Variants in RAB6A observed in about 807,000 individuals in gnomAD.
RAB6A encodes RAB6A, member RAS oncogene family, also known as ras-related protein Rab-6A.
In RAB6A, 8 loss-of-function variants were observed where a neutral mutation model predicts 32.3. The ratio of observed to expected loss-of-function variants is 0.25; its 90% CI spans 0.15 to 0.45. The LOEUF is 0.45. Among genes scored for constraint, RAB6A ranks in the 20% least tolerant of loss-of-function variants. RAB6A has a pLI of 1.00. For synonymous variants in RAB6A, 73 were observed against 82.1 expected, an observed-to-expected ratio of 0.89 and a Z score of 0.60; for missense variants, 104 against 249.4, an observed-to-expected ratio of 0.42 and a Z score of 3.93.
chr11:73,718,198 C>T (rs1462664564), intron 4 of RAB6A, among the ~76,000 whole-genome samples: 1 of 152,146 alleles, frequency 6.6e-6, no homozygotes, highest in Non-Finnish European at 1.5e-5. Flanking sequence ...CAGAGAAAAG[C>T]TGGCTAGCAG....
intron 2 of RAB6A, chr11:73,730,450 T>G (rs1299634489): frequency 9.0e-6 from 2 of 221,444 alleles, no homozygotes; most frequent in African/African-American, 2.3e-5. Context: ...TAATTTCAAA[T>G]GTAGATAAAA....
At chr11:73,730,499 G>C (rs1267814150) in intron 2 of RAB6A, 2 of 323,780 alleles carry the variant, frequency 6.2e-6, no homozygotes, top group African/African-American at 4.3e-5. Context: ...AATCTATAGA[G>C]AATATCCACC....
At chr11:73,745,181 A>T (rs186891972) in intron 1 of RAB6A, among the ~76,000 whole-genome samples, 217 of 152,256 alleles carry the variant, frequency 1.4e-3, no homozygotes, top group Admixed American at 2.7e-3. Context: ...TTGTTAATGC[A>T]TTTATTTACT....
At chr11:73,718,983 G>T in intron 3 of RAB6A, 1 of 1,186,226 alleles carries the variant, frequency 8.4e-7, no homozygotes, top group Non-Finnish European at 1.2e-6. Context: ...GGGAGAGGGT[G>T]GGAAGGAAGT....
chr11:73,699,499 G>T (rs991774931), intron 6 of RAB6A, among the ~76,000 whole-genome samples: 17 of 151,482 alleles, frequency 1.1e-4, no homozygotes, highest in Non-Finnish European at 1.5e-5. Flanking sequence ...TGCCAAGGCT[G>T]GTCTCAAACA....
intron 2 of RAB6A, among the ~76,000 whole-genome samples, chr11:73,723,288 G>GGA (rs1354382954): frequency 6.6e-6 from 1 of 150,882 alleles, no homozygotes; most frequent in Admixed American, 6.6e-5. Flanking sequence ...TACTGGGGGG[G>GGA]AAAAAAAGAA....
chr11:73,755,440 C>T (rs1051989806), intron 1 of RAB6A, among the ~76,000 whole-genome samples: 1 of 151,668 alleles, frequency 6.6e-6, no homozygotes. Flanking sequence ...ACTACAGGCA[C>T]GCACCACCAT....
chr11:73,710,553 A>G (rs190512106), intron 5 of RAB6A, among the ~76,000 whole-genome samples: 1 of 151,936 alleles, frequency 6.6e-6, no homozygotes, highest in Non-Finnish European at 1.5e-5. Flanking sequence ...CCTGGCCAAC[A>G]TGATAAAACC....
intron 5 of RAB6A, among the ~76,000 whole-genome samples, chr11:73,715,976 T>TA (rs1259010341): frequency 7.2e-5 from 11 of 152,308 alleles, no homozygotes; most frequent in Non-Finnish European, 1.2e-4. Flanking sequence ...TTATGAGATC[T>TA]AAAAAAAGCA....
At chr11:73,706,053 G>A (rs987368537) in intron 6 of RAB6A, among the ~76,000 whole-genome samples, 1 of 152,112 alleles carries the variant, frequency 6.6e-6, no homozygotes, top group African/African-American at 2.4e-5. Context: ...GAAACAATAT[G>A]TTAATGAGGA....
chr11:73,725,881 G>A (rs1398297500), intron 2 of RAB6A, among the ~76,000 whole-genome samples: 22 of 152,218 alleles, frequency 1.4e-4, no homozygotes, highest in African/African-American at 4.3e-4. Flanking sequence ...GGCCAGGCGC[G>A]GTGGCTCATG....
chr11:73,744,371 TG>T (rs1483975013), intron 1 of RAB6A, among the ~76,000 whole-genome samples: 1 of 147,678 alleles, frequency 6.8e-6, no homozygotes, highest in Non-Finnish European at 1.5e-5. Flanking sequence ...ATTAGCCACA[TG>T]TAGTAGCACA....
At chr11:73,760,072 G>A (rs1463152335) in intron 1 of RAB6A, 2 of 1,289,968 alleles carry the variant, frequency 1.6e-6, no homozygotes, top group Admixed American at 2.3e-5. Context: ...GCACTTCGCA[G>A]GGCCAAGCCT....
At chr11:73,704,219 G>GA (rs758903305) in intron 6 of RAB6A, 5 of 422,562 alleles carry the variant, frequency 1.2e-5, no homozygotes, top group African/African-American at 6.2e-5. Flanking sequence ...CTATTCTCTG[G>GA]AAAAAAATTA....
chr11:73,709,840 CACAT>C (rs1230185581), intron 5 of RAB6A, among the ~76,000 whole-genome samples: 86 of 60,270 alleles, frequency 1.4e-3, no homozygotes, highest in African/African-American at 3.7e-3. Flanking sequence ...TACATATATA[CACAT>C]ATATATACAT....
intron 6 of RAB6A, among the ~76,000 whole-genome samples, chr11:73,705,799 A>AGAGAGAGAGG (rs1217481069): frequency 4.0e-5 from 6 of 150,348 alleles, no homozygotes; most frequent in Non-Finnish European, 7.4e-5. Flanking sequence ...AGAGAGAGAG[A>AGAGAGAGAGG]GAGATTTTCA....
intron 6 of RAB6A, among the ~76,000 whole-genome samples, chr11:73,694,022 A>C (rs1945618316): frequency 6.6e-6 from 1 of 152,166 alleles, no homozygotes; most frequent in African/African-American, 2.4e-5. Flanking sequence ...GGTTCTCAAT[A>C]CCTATGCGGT....
chr11:73,679,844 C>T, intron 6 of RAB6A, 124 bp from the exon 7 acceptor site: 1 of 1,267,942 alleles, frequency 7.9e-7, no homozygotes, highest in Non-Finnish European at 1.1e-6. Flanking sequence ...GTAATCCCAG[C>T]ACTTTGGGAC....
intron 4 of RAB6A, among the ~76,000 whole-genome samples, chr11:73,717,829 C>G (rs1348117545): frequency 6.6e-6 from 1 of 152,164 alleles, no homozygotes; most frequent in Non-Finnish European, 1.5e-5. Flanking sequence ...AGTTATGAAC[C>G]ACTACATGTA....
Sources: allele counts gnomAD v4.1 joint callset (sites outside exome capture counted in the v4.1 genomes callset), GRCh38; gene constraint gnomAD v4.1.1; transcripts MANE v1.5; gene names NCBI Gene and HGNC (gene_info 2026-07-23, HGNC 2026-07-21).